The following KPNA3 variants were observed in gnomAD, a reference collection of about 807,000 sequenced individuals.
KPNA3 encodes the protein karyopherin subunit alpha 3, also known as importin subunit alpha-4.
In KPNA3, 13 loss-of-function variants were observed where a neutral mutation model predicts 73.8. The ratio of observed to expected loss-of-function variants is 0.18; its 90% CI spans 0.11 to 0.28. KPNA3 has a LOEUF of 0.28. KPNA3 is among the 10% of genes least tolerant of loss of function. KPNA3 has a pLI of 1.00. For missense variants in KPNA3, 360 were observed against 618.1 expected, an observed-to-expected ratio of 0.58 and a Z score of 4.43; for synonymous variants, 186 against 206.9, an observed-to-expected ratio of 0.90 and a Z score of 0.87.
intron 1 of KPNA3, among the ~76,000 whole-genome samples, chr13:49,748,412 C>A (rs754595655): frequency 2.0e-5 from 3 of 151,926 alleles, no homozygotes; most frequent in Non-Finnish European, 4.4e-5. Context: ...ATAATGGATT[C>A]TTTTATTACA....
At position 49,701,914 on chromosome 13, in the gene KPNA3, A is replaced by G. The variant is rs762540440; in HGVS notation, c.1468-16T>C. 1.9e-6 allele frequency: 3 copies of G among 1,547,112 alleles called. No homozygotes were observed. In the South Asian group the frequency reaches 3.4e-5, roughly 17 times the overall value. The stretch of plus-strand genomic sequence containing the variant: ...CTTCATCAATCTGTAAAAAACAAGA[A>G]AAAAATCCTTATTAGGTTATGATAC... On this transcript the variant is annotated splice_polypyrimidine_tract_variant and intron_variant, in intron 16 of 16. Transcript: ENST00000261667.
chr13:49,722,080 C>G lies in KPNA3; in HGVS notation c.601G>C (p.Val201Leu). 1 of 1,609,512 alleles carries G rather than the reference C, an allele frequency of 6.2e-7. No homozygotes were observed. Among genetic ancestry groups the G allele is most frequent in the Non-Finnish European group, 8.5e-7 (1 of 1,177,668 alleles). The change falls in exon 9 of 17, where the codon GTC (valine) becomes CTC (leucine). Residue 201 changes from valine (V) to leucine (L), a missense_variant. Around this residue, in one of 3 missense-constraint regions of KPNA3, gnomAD observed 287 missense variants for 549.1 expected, o/e 0.52. Transcript: ENST00000261667. ...CTGATGAAGGACAGAAGAGGTTTGA[C>G]AACTCCCAGTGATATGACATAATCT... ...CRDYVISLGV[V>L]KPLLSFISPS... is the part of the protein sequence containing the mutation.
chr13:49,724,359 A>G (rs1391958255), intron 7 of KPNA3, among the ~76,000 whole-genome samples: 1 of 150,810 alleles, frequency 6.6e-6, no homozygotes, highest in Non-Finnish European at 1.5e-5. Flanking sequence ...GCTGGAGTGC[A>G]GCGGCACGAT....
At chr13:49,733,371 C>T (rs990467126) in intron 2 of KPNA3, among the ~76,000 whole-genome samples, 8 of 149,508 alleles carry the variant, frequency 5.4e-5, no homozygotes, top group Non-Finnish European at 3.0e-5. Context: ...CACTTCCAAC[C>T]TCTGCTTCCT....
intron 9 of KPNA3, among the ~76,000 whole-genome samples, chr13:49,721,493 G>A (rs1338781273): frequency 6.6e-6 from 1 of 152,082 alleles, no homozygotes; most frequent in African/African-American, 2.4e-5. Context: ...TTATTTCATA[G>A]GAGTAATTAA....
chr13:49,780,824 G>A (rs925444573), intron 1 of KPNA3, among the ~76,000 whole-genome samples: 11 of 150,030 alleles, frequency 7.3e-5, no homozygotes, highest in African/African-American at 2.5e-4. Flanking sequence ...AGGTTCAAGC[G>A]ATTCTCCTGC....
chr13:49,761,202 C>CTCTCCCTCTCCCTCTCCCCACGG (rs1954756343), intron 1 of KPNA3, among the ~76,000 whole-genome samples: 2 of 151,636 alleles, frequency 1.3e-5, no homozygotes, highest in Non-Finnish European at 2.9e-5. Context: ...AAGAGGGTCC[C>CTCTCCCTCTCCCTCTCCCCACGG]TCTCCCTCTC....
rs897888152 is a variant in KPNA3 at position 49,701,420 on chromosome 13, A to G, written c.*380T>C. 12 of 465,488 alleles carry G rather than the reference A, an allele frequency of 2.6e-5. No homozygotes were observed. The Admixed American group carries it at 2.9e-4, about 11-fold the overall frequency. The allele number at this position is 465,488 out of a possible 1,614,324, so 28.8% of individuals were successfully genotyped here. ...TTCCAACTTGTATATGCATCATACC[A>G]AAGTGTCTTGATCCACAGCGCACCA... is the stretch of plus-strand genomic sequence containing the variant. On this transcript the variant is annotated 3_prime_UTR_variant, in exon 17 of 17. Coordinates refer to ENST00000261667, the MANE Select transcript of KPNA3 (RefSeq NM_002267.4).
chr13:49,776,780 AATTT>A (rs1159398244), intron 1 of KPNA3, among the ~76,000 whole-genome samples: 1 of 152,172 alleles, frequency 6.6e-6, no homozygotes, highest in Non-Finnish European at 1.5e-5. Context: ...AGTTAACTAA[AATTT>A]ATTTATGCAT....
chr13:49,711,883 A>C (rs1156534979), intron 10 of KPNA3, among the ~76,000 whole-genome samples: 1 of 152,240 alleles, frequency 6.6e-6, no homozygotes, highest in African/African-American at 2.4e-5. Flanking sequence ...CTACACATAT[A>C]ACCCACACCC....
chr13:49,699,894 C>T lies in KPNA3; in HGVS notation c.*1906G>A, dbSNP rs1256756948. The T allele has an allele frequency of 3.3e-5, 5 of 152,272 alleles. No homozygotes were observed. Among genetic ancestry groups the T allele is most frequent in the Admixed American group, 2.0e-4 (3 of 15,246 alleles). 9.4% of individuals were successfully genotyped at this position (152,272 alleles called of 1,614,324 possible). A position where few individuals can be genotyped will look rare whatever the true frequency, so the allele number is the denominator to read the frequency against. ...TTTCAAAAATTTAGACTATAGTGTC[C>T]GAACAGGATGCAGTTACCATATGAA... On this transcript the variant is annotated 3_prime_UTR_variant, in exon 17 of 17. Transcript: ENST00000261667.
intron 10 of KPNA3, among the ~76,000 whole-genome samples, chr13:49,711,980 C>T (rs750584509): frequency 9.2e-5 from 14 of 152,160 alleles, no homozygotes; most frequent in Non-Finnish European, 2.1e-4. Flanking sequence ...TTTGTCTGGA[C>T]CTCTTGCCTC....
Position 49,738,001 on chromosome 13 carries a change from A to C in KPNA3, c.115-4955T>G, listed in dbSNP as rs551181633. On this transcript the variant is annotated intron_variant, in intron 2 of 16. Coordinates refer to ENST00000261667, the MANE Select transcript of KPNA3 (RefSeq NM_002267.4). ...TATAGCTCTTTGTCTCCAGATCCAG[A>C]AAATTCTCTATGTTTTTTCCTAAAA... Among the ~76,000 whole-genome samples, 26 of 152,304 alleles carry C rather than the reference A, an allele frequency of 1.7e-4. No homozygotes were observed. In the South Asian group the frequency reaches 5.2e-3, roughly 30 times the overall value.
chr13:49,763,208 A>G (rs950919398), intron 1 of KPNA3, among the ~76,000 whole-genome samples: 1 of 152,198 alleles, frequency 6.6e-6, no homozygotes, highest in African/African-American at 2.4e-5. Context: ...AAAAATGAAA[A>G]GAACCAAACA....
intron 1 of KPNA3, among the ~76,000 whole-genome samples, chr13:49,771,827 T>C (rs1336925280): frequency 1.3e-5 from 2 of 151,972 alleles, no homozygotes; most frequent in Non-Finnish European, 2.9e-5. Context: ...CTAATTTTGG[T>C]ATTTTTTTTG....
At chr13:49,733,434 G>C (rs746713151) in intron 2 of KPNA3, among the ~76,000 whole-genome samples, 6 of 151,820 alleles carry the variant, frequency 4.0e-5, no homozygotes, top group Non-Finnish European at 5.9e-5. Context: ...GATTACAGTC[G>C]TGCGCCACCA....
chr13:49,778,635 G>A (rs796679232), intron 1 of KPNA3, among the ~76,000 whole-genome samples: 8 of 152,264 alleles, frequency 5.3e-5, no homozygotes, highest in African/African-American at 1.2e-4. Context: ...ATAAAAGAGA[G>A]CTTTTGTTTT....
At chr13:49,757,890 C>T (rs1954725240) in intron 1 of KPNA3, among the ~76,000 whole-genome samples, 1 of 152,138 alleles carries the variant, frequency 6.6e-6, no homozygotes, top group Non-Finnish European at 1.5e-5. Context: ...ACTGTACGAG[C>T]ATCTTGCAAG....
intron 12 of KPNA3, among the ~76,000 whole-genome samples, chr13:49,707,680 G>A (rs1278844978): frequency 1.3e-5 from 2 of 149,702 alleles, no homozygotes; most frequent in East Asian, 2.0e-4. Context: ...TTCCAATTAT[G>A]GAATATATTC....
Sources: allele counts gnomAD v4.1 joint callset (sites outside exome capture counted in the v4.1 genomes callset), GRCh38; gene constraint gnomAD v4.1.1; regional missense constraint gnomAD v4.1.1; transcripts MANE v1.5; gene names NCBI Gene and HGNC (gene_info 2026-07-23, HGNC 2026-07-21).